The following ARHGAP15 variants were observed in gnomAD, a reference collection of about 807,000 sequenced individuals.
ARHGAP15 encodes the protein Rho GTPase activating protein 15, also known as rho GTPase-activating protein 15.
Under a neutral mutation model 63.7 loss-of-function variants are expected in ARHGAP15, and 51 were observed. The ratio of observed to expected loss-of-function variants is 0.80; its 90% CI spans 0.64 to 1.01. ARHGAP15 has a LOEUF of 1.01. Ranked by LOEUF, ARHGAP15 falls within the 50% of genes least tolerant of loss-of-function variation. The pLI is 0.00. For synonymous variants in ARHGAP15, 191 were observed against 193.8 expected (o/e 0.99, Z 0.12); for missense variants, 560 against 564.6 (o/e 0.99, Z 0.08).
At chr2:143,348,724 C>T (rs1685417640) in intron 6 of ARHGAP15, among the ~76,000 whole-genome samples, 1 of 152,104 alleles carries the variant, frequency 6.6e-6, no homozygotes, top group Non-Finnish European at 1.5e-5. Flanking sequence ...TAAGGATAGT[C>T]TGAATTATTT....
intron 6 of ARHGAP15, among the ~76,000 whole-genome samples, chr2:143,267,041 A>G (rs1404843383): frequency 6.6e-6 from 1 of 152,190 alleles, no homozygotes; most frequent in Non-Finnish European, 1.5e-5. Flanking sequence ...GGCATATGTC[A>G]CGTCTGTCTT....
chr2:143,374,426 T>C (rs1686713367), intron 6 of ARHGAP15, among the ~76,000 whole-genome samples: 1 of 152,130 alleles, frequency 6.6e-6, no homozygotes, highest in Non-Finnish European at 1.5e-5. Flanking sequence ...TTGATTCTTC[T>C]TTGGACAATA....
rs566651801 is a variant in ARHGAP15 at position 143,273,571 on chromosome 2, C to G, written c.474+22971C>G. Among the ~76,000 whole-genome samples the G allele has an allele frequency of 4.6e-5, 7 of 152,172 alleles. 1 individual carries two copies. The East Asian group carries it at 1.3e-3, about 29-fold the overall frequency. On this transcript the variant is annotated intron_variant, in intron 6 of 13. Coordinates refer to ENST00000295095, the MANE Select transcript of ARHGAP15 (RefSeq NM_018460.4). ...AATAAGTATATGAACAGGCCACTTA[C>G]TAGTTGGATGAAATATATTACAAAT...
rs1403883029 is a variant in ARHGAP15, at chr2:143,337,129, T to TG, written c.474+86533dup. ...GGGCAGAAGGTGGAGCTTGGATAGG[T>TG]GGGGAGGTAAGGGGTTGAAAGTGAA... On this transcript the variant is annotated intron_variant, in intron 6 of 13. Transcript: ENST00000295095. 8.6e-5 allele frequency among the ~76,000 whole-genome samples: 13 copies of TG among 151,842 alleles called. 1 individual carries two copies. Among genetic ancestry groups the TG allele is most frequent in the Middle Eastern group, 3.4e-3 (1 of 294 alleles).
At chr2:143,146,066 A>G (rs1689576221) in intron 1 of ARHGAP15, among the ~76,000 whole-genome samples, 1 of 151,792 alleles carries the variant, frequency 6.6e-6, no homozygotes. Flanking sequence ...GTCTCTTAAG[A>G]GGGCAATAAA....
intron 8 of ARHGAP15, among the ~76,000 whole-genome samples, chr2:143,465,776 C>A (rs559680849): frequency 1.3e-5 from 2 of 152,002 alleles, no homozygotes; most frequent in South Asian, 4.1e-4. Flanking sequence ...TAAAGTTTAC[C>A]TTCTGTTATA....
intron 1 of ARHGAP15, among the ~76,000 whole-genome samples, chr2:143,147,467 T>G (rs1333316365): frequency 6.6e-6 from 1 of 152,054 alleles, no homozygotes; most frequent in Non-Finnish European, 1.5e-5. Flanking sequence ...CATCTGTATC[T>G]AAGAAGATTG....
chr2:143,350,871 A>G (rs554459385), intron 6 of ARHGAP15: 110 of 148,544 alleles, frequency 7.4e-4, no homozygotes, highest in African/African-American at 2.3e-3. Flanking sequence ...AAGAAATTAT[A>G]TATTTTGTGG....
At chr2:143,709,767 G>A (rs1350205615) in intron 13 of ARHGAP15, among the ~76,000 whole-genome samples, 1 of 152,110 alleles carries the variant, frequency 6.6e-6, no homozygotes, top group African/African-American at 2.4e-5. Flanking sequence ...AGAAATATAA[G>A]GGTTGTATCA....
chr2:143,664,898 C>T (rs1412388969), intron 12 of ARHGAP15, among the ~76,000 whole-genome samples: 1 of 151,938 alleles, frequency 6.6e-6, no homozygotes, highest in Non-Finnish European at 1.5e-5. Context: ...AGACCAATAA[C>T]AGGAGCTGAA....
chr2:143,363,443 C>T (rs1351503852), intron 6 of ARHGAP15, among the ~76,000 whole-genome samples: 2 of 151,864 alleles, frequency 1.3e-5, no homozygotes, highest in Non-Finnish European at 2.9e-5. Context: ...TACAGTGAGC[C>T]GAGATTGAGC....
At chr2:143,408,003 A>G (rs1183451572) in intron 6 of ARHGAP15, among the ~76,000 whole-genome samples, 1,917 of 72,980 alleles carry the variant, frequency 0.026, 73 homozygotes, top group Non-Finnish European at 0.035. Context: ...ATATATATAT[A>G]TATATATATA....
At chr2:143,539,313 A>C (rs1403551913) in intron 10 of ARHGAP15, among the ~76,000 whole-genome samples, 1 of 151,108 alleles carries the variant, frequency 6.6e-6, no homozygotes, top group East Asian at 1.9e-4. Context: ...AGTTTTGTTG[A>C]TCTTTTCAAA....
intron 6 of ARHGAP15, among the ~76,000 whole-genome samples, chr2:143,277,529 C>T (rs545642286): frequency 6.6e-6 from 1 of 151,650 alleles, no homozygotes; most frequent in Non-Finnish European, 1.5e-5. Flanking sequence ...TCTCAGAAAA[C>T]CTTCAAGCAG....
intron 4 of ARHGAP15, among the ~76,000 whole-genome samples, chr2:143,217,789 T>G (rs1364213353): frequency 6.6e-6 from 1 of 152,194 alleles, no homozygotes; most frequent in Admixed American, 6.6e-5. Flanking sequence ...AGCAGCCATG[T>G]GGAATAAAGA....
At chr2:143,635,290 C>A (rs780451729) in intron 12 of ARHGAP15, among the ~76,000 whole-genome samples, 1 of 132,414 alleles carries the variant, frequency 7.6e-6, no homozygotes, top group Admixed American at 8.9e-5. Context: ...CGGACTCAAG[C>A]AATTCTCCTG....
At chr2:143,523,630 TA>T (rs1017313206) in intron 10 of ARHGAP15, among the ~76,000 whole-genome samples, 2 of 152,112 alleles carry the variant, frequency 1.3e-5, no homozygotes, top group Non-Finnish European at 1.5e-5. Context: ...ATTTCTACCC[TA>T]AAGATATTTT....
intron 5 of ARHGAP15, among the ~76,000 whole-genome samples, chr2:143,248,186 T>C (rs1694118185): frequency 6.6e-6 from 1 of 152,120 alleles, no homozygotes; most frequent in Admixed American, 6.6e-5. Context: ...CCAGGAGTAC[T>C]GGAGTACAGC....
chr2:143,188,982 A>G (rs1368100013), intron 2 of ARHGAP15, among the ~76,000 whole-genome samples: 3 of 151,958 alleles, frequency 2.0e-5, no homozygotes, highest in African/African-American at 7.3e-5. Flanking sequence ...CATTTTGCCT[A>G]AACACTTCCC....
Sources: gnomAD v4.1 joint callset for allele counts (sites outside exome capture counted in the v4.1 genomes callset) on GRCh38, gnomAD v4.1.1 for gene constraint, MANE v1.5 for transcripts, NCBI Gene and HGNC (gene_info 2026-07-23, HGNC 2026-07-21) for gene names.